Variants in PTPN13 observed in about 807,000 individuals in gnomAD.
The protein encoded by PTPN13 is tyrosine-protein phosphatase non-receptor type 13.
Under a neutral mutation model 284.0 loss-of-function variants are expected in PTPN13, and 191 were observed. The ratio of observed to expected loss-of-function variants is 0.67; its 90% CI spans 0.60 to 0.76. PTPN13 has a LOEUF of 0.76. Ranked by LOEUF, PTPN13 falls within the 30% of genes least tolerant of loss-of-function variation. The probability of loss-of-function intolerance (pLI) is 0.00; values close to 1 mark genes in which losing one functional copy is unlikely to be tolerated. For synonymous variants in PTPN13, 986 were observed against 1,022.3 expected, an observed-to-expected ratio of 0.96 and a Z score of 0.68; for missense variants, 2,797 against 2,939.9, an observed-to-expected ratio of 0.95 and a Z score of 1.12.
chr4:86,745,997 C>G (rs1736721075), intron 17 of PTPN13, among the ~76,000 whole-genome samples: 1 of 152,032 alleles, frequency 6.6e-6, no homozygotes, highest in Admixed American at 6.5e-5. Flanking sequence ...GAAGTATGCA[C>G]CCAGAACAGG....
intron 2 of PTPN13, among the ~76,000 whole-genome samples, chr4:86,661,392 A>G (rs2148850640): frequency 6.6e-6 from 1 of 152,324 alleles, no homozygotes; most frequent in Non-Finnish European, 1.5e-5. Flanking sequence ...ACCTTGTATC[A>G]TTTAGTAACA....
chr4:86,698,669 T>A (rs1269330583), intron 6 of PTPN13, among the ~76,000 whole-genome samples: 2 of 152,222 alleles, frequency 1.3e-5, no homozygotes, highest in African/African-American at 4.8e-5. Flanking sequence ...ATGGTCATCA[T>A]AACCAGCTTT....
intron 1 of PTPN13, among the ~76,000 whole-genome samples, chr4:86,612,807 A>G (rs1161629536): frequency 6.6e-6 from 1 of 152,244 alleles, no homozygotes; most frequent in Non-Finnish European, 1.5e-5. Context: ...AAACAAGAAG[A>G]AGGCATAGTG....
intron 4 of PTPN13, among the ~76,000 whole-genome samples, chr4:86,688,368 CT>C (rs966263065): frequency 6.6e-6 from 1 of 151,796 alleles, no homozygotes; most frequent in African/African-American, 2.4e-5. Context: ...GTAGTGGCTT[CT>C]TCTTGTAGTG....
chr4:86,745,662 G>C (rs956820727), intron 17 of PTPN13, among the ~76,000 whole-genome samples: 1 of 152,126 alleles, frequency 6.6e-6, no homozygotes, highest in Non-Finnish European at 1.5e-5. Flanking sequence ...TGTAATCCCA[G>C]CTACTTGGGA....
At chr4:86,669,051 C>A (rs188344632) in intron 2 of PTPN13, among the ~76,000 whole-genome samples, 66 of 151,646 alleles carry the variant, frequency 4.4e-4, no homozygotes, top group African/African-American at 1.4e-3. Flanking sequence ...TTGCTTTGGC[C>A]GTTTCTTCTT....
intron 2 of PTPN13, among the ~76,000 whole-genome samples, chr4:86,661,845 G>T (rs138937069): frequency 2.0e-5 from 3 of 152,090 alleles, no homozygotes; most frequent in Non-Finnish European, 2.9e-5. Context: ...TAAATTTCAG[G>T]CCCTTGAAAG....
At chr4:86,791,869 C>G (rs982738741) in intron 40 of PTPN13, among the ~76,000 whole-genome samples, 1 of 152,036 alleles carries the variant, frequency 6.6e-6, no homozygotes, top group Non-Finnish European at 1.5e-5. Context: ...CATCTAAGAC[C>G]AAAGGTAGAT....
intron 2 of PTPN13, among the ~76,000 whole-genome samples, chr4:86,640,612 G>A (rs1176035250): frequency 1.3e-5 from 2 of 152,118 alleles, no homozygotes; most frequent in South Asian, 2.1e-4. Flanking sequence ...TCAGAGGAGG[G>A]AGAGAGAATA....
chr4:86,768,610 A>AG (rs1428295602), intron 28 of PTPN13, among the ~76,000 whole-genome samples: 1 of 152,178 alleles, frequency 6.6e-6, no homozygotes, highest in Non-Finnish European at 1.5e-5. Context: ...CAAAATAATG[A>AG]GAAAAAATAA....
chr4:86,703,603 A>G (rs971462577), intron 7 of PTPN13, among the ~76,000 whole-genome samples: 5 of 152,286 alleles, frequency 3.3e-5, no homozygotes, highest in East Asian at 3.9e-4. Context: ...ATGGTGGGTC[A>G]CACCTGTAAT....
At chr4:86,775,378 C>G in intron 34 of PTPN13, 36 bp downstream of exon 34, 1 of 1,602,262 alleles carries the variant, frequency 6.2e-7, no homozygotes, top group Non-Finnish European at 8.5e-7. Flanking sequence ...ATATGATTTT[C>G]TTGGTTAGCT....
chr4:86,790,180 G>A (rs944559462), intron 40 of PTPN13, among the ~76,000 whole-genome samples: 28 of 152,264 alleles, frequency 1.8e-4, no homozygotes, highest in African/African-American at 6.0e-4. Context: ...CGAAAGAGAT[G>A]AGTTTCCTTT....
chr4:86,716,257 G>T (rs1733003190), intron 7 of PTPN13, among the ~76,000 whole-genome samples: 1 of 152,158 alleles, frequency 6.6e-6, no homozygotes, highest in Non-Finnish European at 1.5e-5. Context: ...ATTAAAAGAA[G>T]AGTCATGGGG....
chr4:86,785,844 T>A lies in PTPN13; in HGVS notation c.6257-4T>A, dbSNP rs1741836814. 1 of 1,538,088 alleles carries A rather than the reference T, an allele frequency of 6.5e-7. No homozygotes were observed. The highest frequency in any genetic ancestry group is 1.2e-5 in the South Asian group (1 of 82,626). On this transcript the variant is annotated splice_region_variant and splice_polypyrimidine_tract_variant and intron_variant, in intron 39 of 47. Coordinates refer to ENST00000411767, the MANE Select transcript of PTPN13 (RefSeq NM_080683.3). The stretch of plus-strand genomic sequence containing the variant: ...TCCTCTTGGCCTATATATTCCTCTC[T>A]CAGGTACATTAAAGATGAATGGGAA...
At chr4:86,739,715 A>G (rs531912913) in intron 15 of PTPN13, among the ~76,000 whole-genome samples, 4 of 152,264 alleles carry the variant, frequency 2.6e-5, no homozygotes, top group East Asian at 1.9e-4. Flanking sequence ...CATTAACCCA[A>G]AAGTCCACAG....
intron 1 of PTPN13, among the ~76,000 whole-genome samples, chr4:86,605,590 A>G (rs559168197): frequency 6.6e-6 from 1 of 151,924 alleles, no homozygotes; most frequent in South Asian, 2.1e-4. Context: ...AGGAAAGGCT[A>G]CAAAGATAGA....
At chr4:86,759,103 C>T in intron 23 of PTPN13, 30 bp downstream of exon 23, 1 of 1,598,312 alleles carries the variant, frequency 6.3e-7, no homozygotes, top group Non-Finnish European at 8.5e-7. Context: ...CTTATGTATT[C>T]TGTTTCACTT....
intron 33 of PTPN13, among the ~76,000 whole-genome samples, chr4:86,774,953 T>G (rs1305285891): frequency 2.0e-5 from 3 of 152,048 alleles, no homozygotes; most frequent in Non-Finnish European, 4.4e-5. Flanking sequence ...GATGCATTTG[T>G]TAGGGATTTA....
Sources: gnomAD v4.1 joint callset for allele counts (sites outside exome capture counted in the v4.1 genomes callset) on GRCh38, gnomAD v4.1.1 for gene constraint, MANE v1.5 for transcripts, NCBI Gene and HGNC (gene_info 2026-07-23, HGNC 2026-07-21) for gene names.